The following OSBPL11 variants were observed in gnomAD, a reference collection of about 807,000 sequenced individuals.
OSBPL11 encodes the protein oxysterol-binding protein-related protein 11.
OSBPL11 carries 33 observed loss-of-function variants against 84.4 expected under a neutral mutation model. That is an observed-to-expected ratio of 0.39 (90% CI 0.30 to 0.52). The LOEUF is 0.52. OSBPL11 is among the 20% of genes least tolerant of loss of function. OSBPL11 has a pLI of 0.72. For missense variants in OSBPL11, 736 were observed against 901.1 expected (o/e 0.82, Z 2.35); for synonymous variants, 276 against 310.2 (o/e 0.89, Z 1.16).
At chr3:125,535,765 A>G (rs1444416857) in intron 11 of OSBPL11, among the ~76,000 whole-genome samples, 1 of 151,054 alleles carries the variant, frequency 6.6e-6, no homozygotes, top group African/African-American at 2.4e-5. Context: ...GTGAGCCACC[A>G]CACCGGCCCA....
chr3:125,557,378 T>C (rs1936006405), intron 8 of OSBPL11, among the ~76,000 whole-genome samples: 1 of 152,126 alleles, frequency 6.6e-6, no homozygotes, highest in Non-Finnish European at 1.5e-5. Context: ...TCTTTATTTT[T>C]ATTTATTTGT....
At chr3:125,594,598 C>A in intron 1 of OSBPL11, 39 bp downstream of exon 1, 1 of 1,601,434 alleles carries the variant, frequency 6.2e-7, no homozygotes, top group Non-Finnish European at 8.5e-7. Context: ...TTCACCCCTA[C>A]CTCCACCTCG....
At chr3:125,593,850 C>T (rs986478628) in intron 1 of OSBPL11, among the ~76,000 whole-genome samples, 7 of 152,086 alleles carry the variant, frequency 4.6e-5, no homozygotes, top group African/African-American at 9.7e-5. Context: ...GAATTCATCC[C>T]TTTAGTTCCA....
chr3:125,562,295 T>C (rs149603178), intron 7 of OSBPL11, among the ~76,000 whole-genome samples: 4 of 152,326 alleles, frequency 2.6e-5, no homozygotes, highest in East Asian at 3.9e-4. Context: ...AAAACCTGTA[T>C]CTTCTAATTT....
chr3:125,574,008 C>T (rs1290462846), intron 5 of OSBPL11, among the ~76,000 whole-genome samples: 1 of 151,980 alleles, frequency 6.6e-6, no homozygotes, highest in East Asian at 1.9e-4. Flanking sequence ...GCATCACAAC[C>T]TCCTGGAACT....
chr3:125,539,150 T>G (rs1935685159), intron 10 of OSBPL11, among the ~76,000 whole-genome samples: 1 of 150,854 alleles, frequency 6.6e-6, no homozygotes, highest in Admixed American at 6.6e-5. Flanking sequence ...TAGAAAAACA[T>G]AAAATAATAC....
At chr3:125,551,234 A>C (rs1169461544) in intron 9 of OSBPL11, among the ~76,000 whole-genome samples, 2 of 150,954 alleles carry the variant, frequency 1.3e-5, no homozygotes, top group Non-Finnish European at 3.0e-5. Flanking sequence ...ATTTCATAGA[A>C]TATTATGCAG....
At chr3:125,565,437 C>A (rs910921736) in intron 6 of OSBPL11, among the ~76,000 whole-genome samples, 4 of 152,032 alleles carry the variant, frequency 2.6e-5, no homozygotes, top group Admixed American at 2.0e-4. Flanking sequence ...ACACTTGTCT[C>A]CTCAAAGGAA....
intron 12 of OSBPL11, among the ~76,000 whole-genome samples, chr3:125,531,438 T>G (rs1287664697): frequency 6.6e-6 from 1 of 151,792 alleles, no homozygotes; most frequent in Non-Finnish European, 1.5e-5. Context: ...ATTACAGGCA[T>G]GTACCACCAC....
At chr3:125,555,681 G>A (rs772565588) in intron 8 of OSBPL11, among the ~76,000 whole-genome samples, 1 of 152,016 alleles carries the variant, frequency 6.6e-6, no homozygotes, top group Non-Finnish European at 1.5e-5. Context: ...CTGCAGCACG[G>A]AGATATTATC....
chr3:125,563,702 G>A lies in OSBPL11; in HGVS notation c.1010C>T (p.Ala337Val), dbSNP rs747385874. 7 of 1,613,762 alleles carry A rather than the reference G, an allele frequency of 4.3e-6. No individual in the cohort carries two copies. Among genetic ancestry groups the A allele is most frequent in the Middle Eastern group, 1.6e-4 (1 of 6,062 alleles). The change falls in exon 7 of 13, where the codon GCG becomes GTG. Residue 337 changes from alanine (A) to valine (V), a missense_variant. Transcript: ENST00000296220. ...CATATTTTTATATTACCTTACCCTCGCTAATAGTCCAGATTCTGCAACAGG... is the reference window on the plus strand; with the variant it reads ...CATATTTTTATATTACCTTACCCTCACTAATAGTCCAGATTCTGCAACAGG... ...EQPVAESGLL[A>V]REPEEINADD... is the part of the protein sequence containing the mutation.
At chr3:125,582,548 A>G (rs895975590) in intron 2 of OSBPL11, among the ~76,000 whole-genome samples, 17 of 152,138 alleles carry the variant, frequency 1.1e-4, no homozygotes, top group African/African-American at 3.9e-4. Context: ...GATCCCAGAG[A>G]AGCTGTGAAT....
intron 1 of OSBPL11, among the ~76,000 whole-genome samples, chr3:125,585,438 A>C (rs2922183): frequency 0.011 from 1,718 of 152,132 alleles, 16 homozygotes; most frequent in South Asian, 0.022. Context: ...ACCTGGCTCT[A>C]AGTGTATCTT....
Position 125,563,840 on chromosome 3 carries a change from G to C in OSBPL11, c.872C>G (p.Thr291Arg), listed in dbSNP as rs762989677. ...CTTTGGTTCTAACCACTCGATTGTC[G>C]TTCCTGATGGAGTAAGAGAAAACTT... is the stretch of plus-strand genomic sequence containing the variant. ...SHQKGSLPSG[T>R]TIEWLEPKIS... is the part of the protein sequence containing the mutation. The change falls in exon 7 of 13, where the codon ACG (threonine) becomes AGG (arginine). Residue 291 changes from threonine to arginine, a missense_variant. By Grantham distance (71) the Thr-to-Arg change is moderately conservative (BLOSUM62 -1). This residue lies in a region of OSBPL11 where 579 missense variants were observed against 717.6 expected (regional missense o/e 0.81). Transcript: ENST00000296220. 2.3e-5 allele frequency: 37 copies of C among 1,612,716 alleles called. No homozygotes were observed. The highest frequency in any genetic ancestry group is 3.1e-5 in the Non-Finnish European group (37 of 1,179,786).
intron 8 of OSBPL11, among the ~76,000 whole-genome samples, chr3:125,559,537 A>G (rs1936043040): frequency 6.6e-6 from 1 of 152,152 alleles, no homozygotes; most frequent in South Asian, 2.1e-4. Flanking sequence ...ACAGGCCACC[A>G]TGCCCGGCTA....
chr3:125,571,625 G>C (rs1936244024), intron 5 of OSBPL11, among the ~76,000 whole-genome samples: 1 of 152,176 alleles, frequency 6.6e-6, no homozygotes, highest in Non-Finnish European at 1.5e-5. Context: ...GGCTGAAAGG[G>C]GTCAACGTAG....
At position 125,549,733 on chromosome 3, in the gene OSBPL11, C is replaced by A. The variant is rs562948642; in HGVS notation, c.1655-2141G>T. ...AACTCCTGGGTTCAAGCTATCCTTC[C>A]ACCTCGGCCCACCAAAGTGTTGAGA... is the stretch of plus-strand genomic sequence containing the variant. On this transcript the variant is annotated intron_variant, in intron 9 of 12. Coordinates refer to ENST00000296220, the MANE Select transcript of OSBPL11 (RefSeq NM_022776.5). Among the ~76,000 whole-genome samples, 20 of 152,162 alleles carry A rather than the reference C, an allele frequency of 1.3e-4. No individual in the cohort carries two copies. The South Asian group carries it at 3.9e-3, about 30-fold the overall frequency.
chr3:125,538,402 A>C, intron 11 of OSBPL11, 49 bp downstream of exon 11: 4 of 1,556,920 alleles, frequency 2.6e-6, no homozygotes, highest in Non-Finnish European at 3.5e-6. Context: ...GCTTAGATTA[A>C]GATGCAGAGC....
chr3:125,535,721 C>T (rs570936550), intron 11 of OSBPL11, among the ~76,000 whole-genome samples: 11 of 151,690 alleles, frequency 7.3e-5, no homozygotes, highest in South Asian at 2.1e-4. Context: ...GTGACACACC[C>T]GCCTTGGCCT....
Sources: gnomAD v4.1 joint callset for allele counts (sites outside exome capture counted in the v4.1 genomes callset) on GRCh38, gnomAD v4.1.1 for gene constraint, gnomAD v4.1.1 regional missense constraint, MANE v1.5 for transcripts, NCBI Gene and HGNC (gene_info 2026-07-23, HGNC 2026-07-21) for gene names.